Variants in RYR2 observed in about 807,000 individuals in gnomAD.
The protein encoded by RYR2 is ryanodine receptor 2.
RYR2 carries 227 observed loss-of-function variants against 601.1 expected under a neutral mutation model. The ratio of observed to expected loss-of-function variants is 0.38; its 90% confidence interval spans 0.34 to 0.42. RYR2 has a LOEUF of 0.42. Ranked by LOEUF, RYR2 falls within the 10% of genes least tolerant of loss-of-function variation. The pLI, the probability that RYR2 is intolerant of heterozygous loss-of-function variation, is 1.00. For missense variants in RYR2, 4,646 were observed against 6,156.5 expected (o/e 0.75, Z 8.21); for synonymous variants, 2,223 against 2,175.1 (o/e 1.02, Z -0.61).
chr1:237,368,799 G>GTTTGTTTA (rs372692446), intron 5 of RYR2, among the ~76,000 whole-genome samples: 38 of 129,156 alleles, frequency 2.9e-4, no homozygotes, highest in Non-Finnish European at 5.2e-4. Flanking sequence ...TTGAATCAAC[G>GTTTGTTTA]TTTATTTATT....
intron 1 of RYR2, among the ~76,000 whole-genome samples, chr1:237,194,148 A>G (rs1375434176): frequency 1.3e-5 from 2 of 152,112 alleles, no homozygotes; most frequent in Non-Finnish European, 2.9e-5. Context: ...TGACCTTGAC[A>G]TAGTTGCTGG....
At chr1:237,592,248 C>A (rs149445660) in intron 32 of RYR2, among the ~76,000 whole-genome samples, 1 of 152,198 alleles carries the variant, frequency 6.6e-6, no homozygotes, top group East Asian at 1.9e-4. Flanking sequence ...GCTACTTCTC[C>A]TAAAATGCTA....
At chr1:237,497,544 T>A (rs1164597833) in intron 20 of RYR2, among the ~76,000 whole-genome samples, 1 of 152,188 alleles carries the variant, frequency 6.6e-6, no homozygotes, top group South Asian at 2.1e-4. Context: ...TGGAATATAG[T>A]CCTGGTATGA....
intron 22 of RYR2, 142 bp from the exon 23 acceptor site, chr1:237,506,568 G>C: frequency 1.9e-6 from 1 of 540,226 alleles, no homozygotes; most frequent in Admixed American, 3.3e-5. Flanking sequence ...AGAATGTCGT[G>C]AAATAGATGG....
intron 64 of RYR2, 58 bp from the exon 65 acceptor site, chr1:237,700,171 A>G (rs1338981367): frequency 2.9e-6 from 3 of 1,052,514 alleles, no homozygotes; most frequent in South Asian, 3.0e-5. Flanking sequence ...ACCACAATTC[A>G]TTTATATTTC....
At position 237,303,292 on chromosome 1, in the gene RYR2, CTT is replaced by C. The variant is rs386370109; in HGVS notation, c.169-27562_169-27561del. Among the ~76,000 whole-genome samples, 454 of 85,170 alleles carry C rather than the reference CTT, an allele frequency of 5.3e-3. 1 individual carries two copies. The highest frequency in any genetic ancestry group is 0.021 in the African/African-American group (433 of 20,820). The allele number at this position is 85,170 out of a possible 152,430, so 55.9% of individuals were successfully genotyped here. On this transcript the variant is annotated intron_variant, in intron 2 of 104. Transcript: ENST00000366574. ...CATATGAAGATAGCTCTGCGGTTAT[CTT>C]TTTTTTTTTTTTTTTTTTTTTTTGA...
intron 25 of RYR2, among the ~76,000 whole-genome samples, chr1:237,537,832 T>A (rs1190152063): frequency 6.6e-6 from 1 of 152,174 alleles, no homozygotes; most frequent in Non-Finnish European, 1.5e-5. Context: ...GCCAGATATA[T>A]GGAAGAACAC....
At chr1:237,442,605 C>A (rs931289945) in intron 13 of RYR2, among the ~76,000 whole-genome samples, 3 of 152,154 alleles carry the variant, frequency 2.0e-5, no homozygotes, top group East Asian at 3.9e-4. Flanking sequence ...AGGATGCAAT[C>A]AAAATTCATG....
chr1:237,712,614 A>C (rs749831140), intron 71 of RYR2, among the ~76,000 whole-genome samples: 1 of 152,124 alleles, frequency 6.6e-6, no homozygotes, highest in Non-Finnish European at 1.5e-5. Flanking sequence ...TGTCAACACT[A>C]TGTGTCCATC....
intron 76 of RYR2, among the ~76,000 whole-genome samples, chr1:237,727,746 A>G (rs562655073): frequency 6.6e-6 from 1 of 152,288 alleles, no homozygotes; most frequent in East Asian, 1.9e-4. Context: ...AGGGGAAAAG[A>G]ACTGACTTAT....
chr1:237,820,286 G>C (rs1005677564), intron 101 of RYR2, among the ~76,000 whole-genome samples: 3 of 151,754 alleles, frequency 2.0e-5, no homozygotes, highest in African/African-American at 7.3e-5. Flanking sequence ...GATTGACGCA[G>C]AAGGTGGGTG....
chr1:237,682,116 C>T lies in RYR2; in HGVS notation c.9017+1539C>T, dbSNP rs181806708. Reference sequence around the variant, plus strand: ...TTTCAGCCTTACCCTTAGAACTATTCACTGAGCCCATACTATGCATATATC... The same window carrying T: ...TTTCAGCCTTACCCTTAGAACTATTTACTGAGCCCATACTATGCATATATC... On this transcript the variant is annotated intron_variant, in intron 62 of 104. Transcript: ENST00000366574. Among the ~76,000 whole-genome samples, 541 of 152,268 alleles carry T rather than the reference C, an allele frequency of 3.6e-3. 3 individuals are homozygous for T. The highest frequency in any genetic ancestry group is 0.012 in the African/African-American group (511 of 41,546).
intron 58 of RYR2, among the ~76,000 whole-genome samples, chr1:237,671,335 C>G (rs551659918): frequency 2.0e-5 from 3 of 152,074 alleles, no homozygotes; most frequent in Admixed American, 2.0e-4. Flanking sequence ...AGAGCAGAAA[C>G]GACATGTGTC....
Position 237,819,857 on chromosome 1 carries a change from A to AC in RYR2, c.14590+665_14590+666insC, listed in dbSNP as rs1662252490. Among the ~76,000 whole-genome samples, 1 of 151,654 alleles carries AC rather than the reference A, an allele frequency of 6.6e-6. No homozygotes were observed. The highest frequency in any genetic ancestry group is 2.0e-4 in the East Asian group (1 of 5,092). ...AAACCCAACAACAACAACAACAACA[A>AC]AAACTTCTAAGCCCTGTGGTTGTTG... On this transcript the variant is annotated intron_variant, in intron 101 of 104. Coordinates refer to ENST00000366574, the MANE Select transcript of RYR2 (RefSeq NM_001035.3). The surrounding 1 kb of genome is among the most constrained non-coding windows in gnomAD (Gnocchi z 4.0).
intron 1 of RYR2, among the ~76,000 whole-genome samples, chr1:237,153,761 G>C (rs1204467465): frequency 6.6e-6 from 1 of 151,962 alleles, no homozygotes; most frequent in Non-Finnish European, 1.5e-5. Flanking sequence ...TCTCTGAATT[G>C]TTACATATTT....
intron 26 of RYR2, among the ~76,000 whole-genome samples, chr1:237,550,001 A>T (rs75797653): frequency 0.021 from 3,150 of 152,298 alleles, 105 homozygotes; most frequent in African/African-American, 0.07. Flanking sequence ...TGGGTTTCAT[A>T]GTCATTTTAG....
At chr1:237,290,644 C>A (rs1345940539) in intron 2 of RYR2, among the ~76,000 whole-genome samples, 1 of 151,984 alleles carries the variant, frequency 6.6e-6, no homozygotes, top group Non-Finnish European at 1.5e-5. Flanking sequence ...GTATGTAAAG[C>A]AAACAAATAA....
At chr1:237,600,597 A>G (rs746808583) in intron 34 of RYR2, among the ~76,000 whole-genome samples, 21 of 152,040 alleles carry the variant, frequency 1.4e-4, no homozygotes, top group Non-Finnish European at 2.4e-4. Flanking sequence ...AAAATAGACA[A>G]GTGGGATTAT....
chr1:237,042,423 G>C lies in RYR2; in HGVS notation c.-99G>C. 1 of 1,143,662 alleles carries C rather than the reference G, an allele frequency of 8.7e-7. No homozygotes were observed. 70.8% of individuals were successfully genotyped at this position (1,143,662 alleles called of 1,614,324 possible). ...GGCAGCGCGGCCCCCTCCAGCCCCC[G>C]GCTCCCGGCAGCAGAAGCAGAAGGC... On this transcript the variant is annotated 5_prime_UTR_variant, in exon 1 of 105. Transcript: ENST00000366574.
Sources: allele counts gnomAD v4.1 joint callset (sites outside exome capture counted in the v4.1 genomes callset), GRCh38; gene constraint gnomAD v4.1.1; non-coding constraint Gnocchi (gnomAD v3.1); transcripts MANE v1.5; gene names NCBI Gene and HGNC (gene_info 2026-07-23, HGNC 2026-07-21).